Variants in VSIG8 observed in about 807,000 individuals in gnomAD.
VSIG8 encodes V-set and immunoglobulin domain containing 8.
Under a neutral mutation model 42.6 loss-of-function variants are expected in VSIG8, and 32 were observed. The observed-to-expected ratio is 0.75, with a 90% confidence interval of 0.57 to 1.01. The LOEUF is 1.01. Ranked by LOEUF, VSIG8 falls within the 50% of genes least tolerant of loss-of-function variation. The probability of loss-of-function intolerance (pLI) is 0.00; values close to 1 mark genes in which losing one functional copy is unlikely to be tolerated. For missense variants in VSIG8, 529 were observed against 558.0 expected, an observed-to-expected ratio of 0.95 and a Z score of 0.52; for synonymous variants, 290 against 243.8, an observed-to-expected ratio of 1.19 and a Z score of -1.77.
intron 1 of VSIG8, among the ~76,000 whole-genome samples, chr1:159,860,307 AC>A (rs1648978987): frequency 6.6e-6 from 1 of 152,198 alleles, no homozygotes; most frequent in African/African-American, 2.4e-5. Flanking sequence ...AAACACAGAC[AC>A]TATATAGATT....
intron 1 of VSIG8, chr1:159,861,688 G>A (rs1289818674): frequency 1.3e-5 from 2 of 152,278 alleles, no homozygotes; most frequent in Non-Finnish European, 2.9e-5. Flanking sequence ...CCCAAATCCA[G>A]ACTGCAAGAG....
intron 1 of VSIG8, chr1:159,861,073 C>T (rs1364685909): frequency 6.6e-6 from 1 of 152,172 alleles, no homozygotes; most frequent in Admixed American, 6.5e-5. Flanking sequence ...ATTCCTCTTG[C>T]TGTAGCACTA....
Position 159,858,277 on chromosome 1 carries a change from C to T in VSIG8, c.243G>A (p.Gln81=), listed in dbSNP as rs1648912066. 1 of 1,614,198 alleles carries T rather than the reference C, an allele frequency of 6.2e-7. No homozygotes were observed. Among genetic ancestry groups the T allele is most frequent in the African/African-American group, 1.3e-5 (1 of 75,046 alleles). Residue 81 remains glutamine, a synonymous_variant, in exon 3 of 7, where the codon CAG becomes CAA. Transcript: ENST00000368100. ...HHRENVFLSY[Q]DKRINHGSLP... Reference sequence around the variant, plus strand: ...GGCTGCCATGGTTGATCCTCTTGTCCTGGTAACTAAGGAACTGTGAAGAGG... The same window carrying T: ...GGCTGCCATGGTTGATCCTCTTGTCTTGGTAACTAAGGAACTGTGAAGAGG...
intron 1 of VSIG8, among the ~76,000 whole-genome samples, chr1:159,859,522 G>A (rs1468445295): frequency 1.3e-5 from 2 of 152,208 alleles, no homozygotes; most frequent in African/African-American, 4.8e-5. Context: ...GACAGTGTGA[G>A]TCTGTGGCTG....
At chr1:159,855,164 G>GCCTCGA (rs1391754761) in intron 6 of VSIG8, 138 bp from the exon 7 acceptor site, 11 of 1,551,518 alleles carry the variant, frequency 7.1e-6, no homozygotes, top group African/African-American at 6.8e-5. Context: ...CTCTCCCTCG[G>GCCTCGA]CCTCGACCTA....
At chr1:159,855,822 G>C in intron 6 of VSIG8, 61 bp downstream of exon 6, 3 of 1,486,682 alleles carry the variant, frequency 2.0e-6, no homozygotes, top group Non-Finnish European at 2.7e-6. Context: ...AGGCAGGAGT[G>C]AGGTGGGCAG....
Position 159,858,115 on chromosome 1 carries a change from G to T in VSIG8, c.405C>A (p.Thr135=). ...CTTGGACAGTGACAATGACCTTCCG[G>T]GTGGCCATGGTGGTCTTCTTCACCC... ...ECRVKKTTMA[T]RKVIVTVQAR... The change falls in exon 3 of 7, where the codon ACC becomes ACA. Residue 135 remains threonine (T), a synonymous_variant. Coordinates refer to ENST00000368100, the MANE Select transcript of VSIG8 (RefSeq NM_001013661.1). 6.2e-7 allele frequency: 1 copy of T among 1,614,216 alleles called. No individual in the cohort carries two copies. The highest frequency in any genetic ancestry group is 8.5e-7 in the Non-Finnish European group (1 of 1,180,038).
chr1:159,855,075 G>C, intron 6 of VSIG8, 49 bp from the exon 7 acceptor site: 1 of 1,560,950 alleles, frequency 6.4e-7, no homozygotes, highest in Middle Eastern at 1.8e-4. Context: ...CCGCAGCGGG[G>C]CGTGGGCACG....
chr1:159,862,119 G>A (rs556226259), intron 1 of VSIG8: 65 of 272,600 alleles, frequency 2.4e-4, no homozygotes, highest in African/African-American at 1.3e-3. Context: ...CCCAATGCCC[G>A]TGCTTACCCC....
chr1:159,857,097 T>C (rs946369848), intron 4 of VSIG8, among the ~76,000 whole-genome samples: 1 of 152,240 alleles, frequency 6.6e-6, no homozygotes, highest in African/African-American at 2.4e-5. Context: ...TATATGTTAG[T>C]ATTCCCTTTC....
chr1:159,859,022 G>A (rs375611899), intron 1 of VSIG8, 110 bp from the exon 2 acceptor site: 1 of 1,188,270 alleles, frequency 8.4e-7, no homozygotes, highest in Non-Finnish European at 1.2e-6. Flanking sequence ...CCAGAGGTCA[G>A]CAGTGCTTTC....
Position 159,858,765 on chromosome 1 carries a change from T to C in VSIG8, c.197A>G (p.Asn66Ser), listed in dbSNP as rs375344277. Residue 66 changes from asparagine (N) to serine (S), a missense_variant, in exon 2 of 7, where the codon AAC becomes AGC. By Grantham distance (46) the Asn-to-Ser change is conservative. Coordinates refer to ENST00000368100, the MANE Select transcript of VSIG8 (RefSeq NM_001013661.1). The part of the protein sequence containing the change: ...NGLDIEWMQV[N>S]SDPAHHRENV... ...CTCTCGGTGGTGGGCGGGGTCTGAG[T>C]TGACCTGCATCCACTCGATGTCCAG... 1 of 1,552,570 alleles carries C rather than the reference T, an allele frequency of 6.4e-7. No homozygotes were observed. Among genetic ancestry groups the C allele is most frequent in the Admixed American group, 1.8e-5 (1 of 55,530 alleles).
rs761815200 is a variant in VSIG8, at chr1:159,858,749, G to A, written c.213C>T (p.His71=). 4 of 1,612,610 alleles carry A rather than the reference G, an allele frequency of 2.5e-6. No homozygotes were observed. Among genetic ancestry groups the A allele is most frequent in the Non-Finnish European group, 3.4e-6 (4 of 1,179,354 alleles). ...CAGCACTCACCACGTTCTCTCGGTGGTGGGCGGGGTCTGAGTTGACCTGCA... is the reference window on the plus strand; with the variant it reads ...CAGCACTCACCACGTTCTCTCGGTGATGGGCGGGGTCTGAGTTGACCTGCA... ...EWMQVNSDPA[H]HRENVFLSYQ... is the part of the protein sequence containing the mutation. Residue 71 remains histidine, a synonymous_variant, in exon 2 of 7, where the codon CAC becomes CAT. Transcript: ENST00000368100.
At chr1:159,855,669 GAAGGCA>G (rs1456536467) in intron 6 of VSIG8, 13 of 957,538 alleles carry the variant, frequency 1.4e-5, no homozygotes, top group Non-Finnish European at 1.6e-5. Flanking sequence ...GAGGGAAATG[GAAGGCA>G]GGGAGCAGAG....
chr1:159,862,515 C>T lies in VSIG8; in HGVS notation c.7G>A (p.Val3Ile), dbSNP rs1426762750. 1.9e-6 allele frequency: 3 copies of T among 1,613,130 alleles called. No homozygotes were observed. Among genetic ancestry groups the T allele is most frequent in the Non-Finnish European group, 2.5e-6 (3 of 1,179,452 alleles). Residue 3 changes from valine (V) to isoleucine (I), a missense_variant, in exon 1 of 7, where the codon GTT becomes ATT. Transcript: ENST00000368100. The stretch of plus-strand genomic sequence containing the variant: ...AGTAGAAGGTGGAATGCTCCTCCAA[C>T]TCTCATGTCTCTAGGCTCGGTGTTT... Reference protein sequence around the residue: MRVGGAFHLLLVC... With the variant: MRIGGAFHLLLVC...
rs1648904328 is a variant in VSIG8, at chr1:159,858,072, A to C, written c.430+18T>G. On this transcript the variant is annotated intron_variant, in intron 3 of 6. Coordinates refer to ENST00000368100, the MANE Select transcript of VSIG8 (RefSeq NM_001013661.1). ...TCTTAAGCCAGGGGGAGAGGAGCTT[A>C]GAGGAGTCTGGCCATACCTTGGACA... is the stretch of plus-strand genomic sequence containing the variant. The C allele has an allele frequency of 1.2e-6, 2 of 1,614,174 alleles. No homozygotes were observed. The highest frequency in any genetic ancestry group is 2.7e-5 in the African/African-American group (2 of 75,070).
At position 159,855,953 on chromosome 1, in the gene VSIG8, C is replaced by T; in HGVS notation, c.901G>A (p.Gly301Ser). 1 of 1,579,234 alleles carries T rather than the reference C, an allele frequency of 6.3e-7. No homozygotes were observed. Among genetic ancestry groups the T allele is most frequent in the Non-Finnish European group, 8.6e-7 (1 of 1,163,362 alleles). ...CGGSGAGGAR[G>S]AFGYGNGGGV... is the part of the protein sequence containing the mutation. ...CCGCCGTTGCCGTAGCCGAAGGCAC[C>T]GCGGGCGCCGCCAGCCCCGGAGCCC... The change falls in exon 6 of 7, where the codon GGT becomes AGT. Residue 301 changes from glycine (G) to serine (S), a missense_variant. Gly to Ser is a moderately conservative substitution (Grantham distance 56). Coordinates refer to ENST00000368100, the MANE Select transcript of VSIG8 (RefSeq NM_001013661.1).
At chr1:159,856,751 G>C in intron 4 of VSIG8, 108 bp from the exon 5 acceptor site, 1 of 1,454,956 alleles carries the variant, frequency 6.9e-7, no homozygotes, top group Non-Finnish European at 9.3e-7. Context: ...GAAGGCTTAT[G>C]CATGTGTGTA....
At chr1:159,856,792 C>CACA in intron 4 of VSIG8, 149 bp from the exon 5 acceptor site, 37 of 1,033,368 alleles carry the variant, frequency 3.6e-5, no homozygotes, top group Non-Finnish European at 4.8e-5. Context: ...CACACACACT[C>CACA]CACTCTCCAG....
Sources: gnomAD v4.1 joint callset for allele counts (sites outside exome capture counted in the v4.1 genomes callset) on GRCh38, gnomAD v4.1.1 for gene constraint, MANE v1.5 for transcripts, NCBI Gene and HGNC (gene_info 2026-07-23, HGNC 2026-07-21) for gene names.